The following FAM120A variants were observed in gnomAD, a reference collection of about 807,000 sequenced individuals.
The protein encoded by FAM120A is family with sequence similarity 120 member A, also known as constitutive coactivator of PPAR-gamma-like protein 1.
In FAM120A, 15 loss-of-function variants were observed where a neutral mutation model predicts 109.7. That is an observed-to-expected ratio of 0.14 (90% confidence interval 0.09 to 0.21). The LOEUF is 0.21. FAM120A is among the 10% of genes least tolerant of loss of function. The probability of loss-of-function intolerance (pLI) is 1.00; values close to 1 mark genes in which losing one functional copy is unlikely to be tolerated. For synonymous variants in FAM120A, 493 were observed against 572.8 expected, an observed-to-expected ratio of 0.86 and a Z score of 1.99; for missense variants, 899 against 1,439.3, an observed-to-expected ratio of 0.62 and a Z score of 6.07.
At chr9:93,460,980 C>T (rs1305713498) in intron 1 of FAM120A, among the ~76,000 whole-genome samples, 1 of 152,152 alleles carries the variant, frequency 6.6e-6, no homozygotes, top group East Asian at 1.9e-4. Context: ...CATTTAGCCA[C>T]CTTTCCTCTT....
chr9:93,505,094 T>C (rs1859983443), intron 5 of FAM120A, among the ~76,000 whole-genome samples: 1 of 126,500 alleles, frequency 7.9e-6, no homozygotes, highest in Non-Finnish European at 1.6e-5. Context: ...GGAGTCTCGC[T>C]CTGTCACCCA....
chr9:93,484,047 T>A (rs933733978), intron 3 of FAM120A, among the ~76,000 whole-genome samples: 1 of 152,064 alleles, frequency 6.6e-6, no homozygotes, highest in Non-Finnish European at 1.5e-5. Flanking sequence ...TCTTTTTTTT[T>A]TTTTAAGAGA....
intron 5 of FAM120A, among the ~76,000 whole-genome samples, chr9:93,506,001 CGTGTGTGGGTCT>C (rs1186510293): frequency 1.3e-5 from 2 of 152,072 alleles, no homozygotes; most frequent in African/African-American, 4.8e-5. Context: ...TGAGTGTCTC[CGTGTGTGGGTCT>C]GTTTCTGGGC....
chr9:93,453,279 C>T (rs1857370404), intron 1 of FAM120A: 1 of 988,010 alleles, frequency 1.0e-6, no homozygotes, highest in Non-Finnish European at 1.2e-6. Context: ...CACCGGCCTC[C>T]TCTGGCCCTT....
rs1861124911 is a variant in FAM120A, at chr9:93,527,239, A to G, written c.1503A>G (p.Thr501=). The G allele has an allele frequency of 6.2e-7, 1 of 1,613,602 alleles. No individual in the cohort carries two copies. The highest frequency in any genetic ancestry group is 8.5e-7 in the Non-Finnish European group (1 of 1,179,488). The change falls in exon 8 of 18, where the codon ACA becomes ACG. Residue 501 remains threonine (T), a synonymous_variant. Transcript: ENST00000277165. The part of the protein sequence containing the change: ...PQARGDPGDQ[T]KAEGSSTASS... ...CACGAGGAGACCCAGGAGACCAAAC[A>G]AAGGTAGAAAGTCTATGCCTTTTAG...
chr9:93,467,186 A>G (rs1858066205), intron 1 of FAM120A, among the ~76,000 whole-genome samples: 3 of 147,852 alleles, frequency 2.0e-5, no homozygotes, highest in Admixed American at 6.9e-5. Flanking sequence ...CCCCTAGGCA[A>G]TCGACTTTGA....
At chr9:93,518,595 C>G (rs905072245) in intron 7 of FAM120A, among the ~76,000 whole-genome samples, 1 of 152,176 alleles carries the variant, frequency 6.6e-6, no homozygotes, top group African/African-American at 2.4e-5. Flanking sequence ...GAGGTCTGTG[C>G]GCAGAGCTTG....
At chr9:93,558,180 A>G (rs1862358090) in intron 14 of FAM120A, among the ~76,000 whole-genome samples, 170 bp downstream of exon 14, 1 of 152,210 alleles carries the variant, frequency 6.6e-6, no homozygotes, top group African/African-American at 2.4e-5. Context: ...AATCCTGGAG[A>G]TAGGGGAGAG....
At chr9:93,542,553 C>T (rs1861742621) in intron 10 of FAM120A, among the ~76,000 whole-genome samples, 2 of 152,162 alleles carry the variant, frequency 1.3e-5, no homozygotes, top group Admixed American at 1.3e-4. Flanking sequence ...CTTAGAACTT[C>T]TTGTCTTTTT....
intron 3 of FAM120A, among the ~76,000 whole-genome samples, chr9:93,484,521 G>A (rs1003559971): frequency 1.3e-5 from 2 of 152,200 alleles, no homozygotes; most frequent in Non-Finnish European, 2.9e-5. Flanking sequence ...GAGAGAACTA[G>A]AGTAGAGCAA....
intron 9 of FAM120A, chr9:93,529,874 T>C: frequency 1.8e-6 from 1 of 550,472 alleles, no homozygotes; most frequent in African/African-American, 1.9e-5. Context: ...ATTTTATTCT[T>C]TTTACTTCAA....
chr9:93,467,858 A>G lies in FAM120A; in HGVS notation c.475-3283A>G, dbSNP rs1858119195. ...GTAATTATGAAAAGCCCCACATGCC[A>G]CCTTTGTTTTTTTGTATTTTTTTTG... On this transcript the variant is annotated intron_variant, in intron 1 of 17. Coordinates refer to ENST00000277165, the MANE Select transcript of FAM120A (RefSeq NM_014612.5). Among the ~76,000 whole-genome samples the G allele has an allele frequency of 4.0e-5, 6 of 151,336 alleles. No homozygotes were observed. The South Asian group carries it at 1.3e-3, about 32-fold the overall frequency.
At chr9:93,537,133 C>T (rs1861544704) in intron 10 of FAM120A, among the ~76,000 whole-genome samples, 1 of 152,194 alleles carries the variant, frequency 6.6e-6, no homozygotes, top group African/African-American at 2.4e-5. Flanking sequence ...GAAGCCTGCA[C>T]CTTGCAAAAA....
At chr9:93,536,449 A>G (rs895907871) in intron 10 of FAM120A, among the ~76,000 whole-genome samples, 9 of 152,242 alleles carry the variant, frequency 5.9e-5, no homozygotes, top group Admixed American at 1.3e-4. Context: ...CTGCGCAGCT[A>G]TATATTCCTG....
intron 7 of FAM120A, among the ~76,000 whole-genome samples, chr9:93,521,201 T>C (rs972010718): frequency 6.6e-6 from 1 of 152,240 alleles, no homozygotes; most frequent in East Asian, 1.9e-4. Flanking sequence ...CTGAGTTTAA[T>C]TGACTACTTT....
chr9:93,482,127 CCG>C (rs1194557194), intron 3 of FAM120A, among the ~76,000 whole-genome samples: 1 of 151,818 alleles, frequency 6.6e-6, no homozygotes, highest in Non-Finnish European at 1.5e-5. Flanking sequence ...CCTGAGGCAC[CCG>C]TATACCGGGG....
intron 5 of FAM120A, among the ~76,000 whole-genome samples, chr9:93,512,288 C>T (rs1860355376): frequency 6.6e-6 from 1 of 152,098 alleles, no homozygotes; most frequent in Non-Finnish European, 1.5e-5. Context: ...AAGAATTTTA[C>T]CGTATTTTAA....
At position 93,451,899 on chromosome 9, in the gene FAM120A, G is replaced by A. The variant is rs1857243295; in HGVS notation, c.-17G>A. On this transcript the variant is annotated 5_prime_UTR_variant, in exon 1 of 18. Transcript: ENST00000277165. ...CCGCCCCCCGCCCGCACCCGCGCCC[G>A]CGCCCCCGCCGCCGCCATGGGCGTG... The A allele has an allele frequency of 1.7e-6, 2 of 1,151,476 alleles. No individual in the cohort carries two copies. The highest frequency in any genetic ancestry group is 2.1e-6 in the Non-Finnish European group (2 of 932,478). The allele number at this position is 1,151,476 out of a possible 1,614,324, so 71.3% of individuals were successfully genotyped here. A position where few individuals can be genotyped will look rare whatever the true frequency, so the allele number is the denominator to read the frequency against.
At chr9:93,552,555 G>A (rs1418277003) in intron 12 of FAM120A, among the ~76,000 whole-genome samples, 1 of 151,526 alleles carries the variant, frequency 6.6e-6, no homozygotes, top group African/African-American at 2.4e-5. Flanking sequence ...TGTTGGGGGG[G>A]AAAGGCAGTT....
Sources: gnomAD v4.1 joint callset for allele counts (sites outside exome capture counted in the v4.1 genomes callset) on GRCh38, gnomAD v4.1.1 for gene constraint, MANE v1.5 for transcripts, NCBI Gene and HGNC (gene_info 2026-07-23, HGNC 2026-07-21) for gene names.